CALD1: variants seen among roughly 807,000 people sequenced by gnomAD.
CALD1 encodes the protein caldesmon 1, also known as caldesmon.
In CALD1, 33 loss-of-function variants were observed where a neutral mutation model predicts 99.9. That is an observed-to-expected ratio of 0.33 (90% CI 0.25 to 0.44). CALD1 has a LOEUF of 0.44. Ranked by LOEUF, CALD1 falls within the 20% of genes least tolerant of loss-of-function variation. CALD1 has a pLI of 1.00. For missense variants in CALD1, 861 were observed against 962.1 expected, an observed-to-expected ratio of 0.89 and a Z score of 1.39; for synonymous variants, 310 against 325.0, an observed-to-expected ratio of 0.95 and a Z score of 0.50.
chr7:134,741,627 A>G (rs1796592182), upstream of CALD1, among the ~76,000 whole-genome samples: 1 of 152,180 alleles, frequency 6.6e-6, no homozygotes, highest in Non-Finnish European at 1.5e-5. Flanking sequence ...CCCAATGCAT[A>G]TTTAAAAAAA....
chr7:134,857,366 T>C (rs1800360010), intron 2 of CALD1, among the ~76,000 whole-genome samples: 1 of 151,804 alleles, frequency 6.6e-6, no homozygotes, highest in African/African-American at 2.4e-5. Flanking sequence ...AGACGGGGTT[T>C]CACCGTGGTC....
chr7:134,893,027 G>C (rs1425393820), intron 3 of CALD1, among the ~76,000 whole-genome samples: 4 of 152,162 alleles, frequency 2.6e-5, no homozygotes, highest in Non-Finnish European at 5.9e-5. Flanking sequence ...TCACACAGCT[G>C]ATCAGCAATA....
At chr7:134,965,150 G>A (rs1327751861) in intron 13 of CALD1, 156 bp from the exon 14 acceptor site, 3 of 605,090 alleles carry the variant, frequency 5.0e-6, no homozygotes, top group African/African-American at 3.7e-5. Context: ...TCAAACAACA[G>A]CTGATGGTCC....
At chr7:134,711,680 A>ATG in the CALD1 span, among the ~76,000 whole-genome samples, 213 of 109,556 alleles carry the variant, frequency 1.9e-3, no homozygotes, top group African/African-American at 4.9e-3. Context: ...ATATATATAT[A>ATG]TGTGTGTGTG....
chr7:134,817,257 T>G (rs557798720), intron 1 of CALD1, among the ~76,000 whole-genome samples: 1 of 152,256 alleles, frequency 6.6e-6, no homozygotes, highest in South Asian at 2.1e-4. Flanking sequence ...CTTGAGCTGG[T>G]TAGAAAGGAC....
chr7:134,744,147 T>C (rs773121401), upstream of CALD1: 3 of 152,228 alleles, frequency 2.0e-5, no homozygotes, highest in Non-Finnish European at 4.4e-5. Flanking sequence ...GTAAACCTTC[T>C]CTAGTAGCAG....
At chr7:134,930,306 T>C (rs773650449) in intron 4 of CALD1, among the ~76,000 whole-genome samples, 1 of 152,192 alleles carries the variant, frequency 6.6e-6, no homozygotes, top group Non-Finnish European at 1.5e-5. Context: ...ATTTATATTG[T>C]CATTTATGTG....
At chr7:134,807,410 AG>A (rs1435040677) in intron 1 of CALD1, among the ~76,000 whole-genome samples, 7 of 152,158 alleles carry the variant, frequency 4.6e-5, no homozygotes, top group African/African-American at 1.7e-4. Flanking sequence ...TACTAGCTAC[AG>A]GGGGCCTTTA....
At chr7:134,907,488 T>G (rs1803478015) in intron 3 of CALD1, among the ~76,000 whole-genome samples, 1 of 152,080 alleles carries the variant, frequency 6.6e-6, no homozygotes, top group Non-Finnish European at 1.5e-5. Flanking sequence ...AGAACTGGAA[T>G]AGACCAACCA....
At chr7:134,715,254 T>C in the CALD1 span, among the ~76,000 whole-genome samples, 1 of 152,198 alleles carries the variant, frequency 6.6e-6, no homozygotes. Flanking sequence ...TGGGTGAGCT[T>C]GGTTAAGTTC....
intron 1 of CALD1, among the ~76,000 whole-genome samples, chr7:134,823,818 AACTT>A (rs906014820): frequency 5.1e-4 from 78 of 152,370 alleles, no homozygotes; most frequent in Admixed American, 1.2e-3. Context: ...TCTGCAGATT[AACTT>A]ACTTTTATTT....
At chr7:134,771,054 C>G (rs928902637) in intron 1 of CALD1, among the ~76,000 whole-genome samples, 6 of 152,210 alleles carry the variant, frequency 3.9e-5, no homozygotes, top group Non-Finnish European at 5.9e-5. Context: ...CCACCCCTTC[C>G]TTCAACTGCC....
At chr7:134,727,282 T>A in the CALD1 span, among the ~76,000 whole-genome samples, 1 of 152,208 alleles carries the variant, frequency 6.6e-6, no homozygotes, top group Non-Finnish European at 1.5e-5. Context: ...GCCATGTGCT[T>A]TGCAAGTCAA....
chr7:134,889,374 A>C (rs1256608499), intron 3 of CALD1, among the ~76,000 whole-genome samples: 1 of 152,276 alleles, frequency 6.6e-6, no homozygotes, highest in African/African-American at 2.4e-5. Context: ...AAGCTCCTCT[A>C]ACCACAGCTG....
intron 1 of CALD1, among the ~76,000 whole-genome samples, chr7:134,755,832 A>G (rs1796722520): frequency 6.6e-6 from 1 of 152,070 alleles, no homozygotes; most frequent in South Asian, 2.1e-4. Context: ...AATCTTTCCT[A>G]CCCAAAGTAA....
At chr7:134,861,387 T>C (rs1800557502) in intron 2 of CALD1, among the ~76,000 whole-genome samples, 1 of 152,210 alleles carries the variant, frequency 6.6e-6, no homozygotes, top group African/African-American at 2.4e-5. Context: ...CCAATACCTG[T>C]AGGATGAAGA....
chr7:134,934,285 G>GTC (rs1287725132), intron 5 of CALD1, among the ~76,000 whole-genome samples: 31 of 152,170 alleles, frequency 2.0e-4, no homozygotes, highest in Non-Finnish European at 5.9e-5. Flanking sequence ...TACTGGGACA[G>GTC]CCAGTAAATT....
intron 7 of CALD1, among the ~76,000 whole-genome samples, chr7:134,941,589 T>C (rs951612742): frequency 2.0e-5 from 3 of 151,764 alleles, no homozygotes; most frequent in Admixed American, 6.6e-5. Context: ...ATTCTCTATA[T>C]GGTCTGACCA....
Position 134,969,215 on chromosome 7 carries a change from A to G in CALD1, c.*870A>G, listed in dbSNP as rs1468546428. 6.6e-6 allele frequency: 1 copy of G among 152,412 alleles called. No individual in the cohort carries two copies. Among genetic ancestry groups the G allele is most frequent in the Non-Finnish European group, 1.5e-5 (1 of 68,052 alleles). 9.4% of individuals were successfully genotyped at this position (152,412 alleles called of 1,614,324 possible). A position where few individuals can be genotyped will look rare whatever the true frequency, so the allele number is the denominator to read the frequency against. ...ACAGAAACATGGCAGATAGGTATCA[A>G]TATGTTTTCAATGCCTGATGACCTA... On this transcript the variant is annotated 3_prime_UTR_variant, in exon 15 of 15. Transcript: ENST00000361675.
Sources: gnomAD v4.1 joint callset for allele counts (sites outside exome capture counted in the v4.1 genomes callset) on GRCh38, gnomAD v4.1.1 for gene constraint, MANE v1.5 for transcripts, NCBI Gene and HGNC (gene_info 2026-07-23, HGNC 2026-07-21) for gene names.